CDH26: variants seen among roughly 807,000 people sequenced by gnomAD.
CDH26 encodes cadherin-like protein 26.
A neutral mutation model predicts 90.3 loss-of-function variants in CDH26; 83 were observed. The ratio of observed to expected loss-of-function variants is 0.92; its 90% confidence interval spans 0.77 to 1.10. CDH26 has a LOEUF of 1.10. CDH26 is among the 50% of genes least tolerant of loss of function. The pLI, the probability that CDH26 is intolerant of heterozygous loss-of-function variation, is 0.00. For missense variants in CDH26, 1,013 were observed against 1,037.6 expected, an observed-to-expected ratio of 0.98 and a Z score of 0.33; for synonymous variants, 397 against 396.3, an observed-to-expected ratio of 1.00 and a Z score of -0.02.
In CDH26 at chr20:59,992,430, G is replaced by A. The variant is rs374083203; in HGVS notation, c.1336G>A (p.Gly446Arg). Residue 446 changes from glycine to arginine, a missense_variant, in exon 10 of 18, where the codon GGA becomes AGA. Physicochemically the swap from Gly to Arg is moderately radical, Grantham distance 125. Transcript: ENST00000348616. The surrounding 1 kb of genome is among the most constrained non-coding windows in gnomAD (Gnocchi z 5.0). ...TTGGGTCAGCGTCGACAAAAACTCC[G>A]GAGTGGTCATCACCGTGGAGCCAAT... Reference protein sequence around the residue: ...ANWVSVDKNSGVVITVEPIDR... With the variant: ...ANWVSVDKNSRVVITVEPIDR... The A allele has an allele frequency of 1.3e-4, 206 of 1,613,872 alleles. No individual in the cohort carries two copies. Among genetic ancestry groups the A allele is most frequent in the Admixed American group, 1.7e-4 (10 of 59,982 alleles).
chr20:59,994,393 G>A lies in CDH26; in HGVS notation c.1570G>A (p.Asp524Asn). 1.2e-6 allele frequency: 2 copies of A among 1,614,080 alleles called. No individual in the cohort carries two copies. Among genetic ancestry groups the A allele is most frequent in the Non-Finnish European group, 1.7e-6 (2 of 1,179,958 alleles). Reference sequence around the variant, plus strand: ...TGAGCCCCTCCACATCGAGGCAGAGGATCCGGACCTGGAGCCGTTCTCTGA... The same window carrying A: ...TGAGCCCCTCCACATCGAGGCAGAGAATCCGGACCTGGAGCCGTTCTCTGA... ...VHEPLHIEAE[D>N]PDLEPFSDPF... Residue 524 changes from aspartate to asparagine, a missense_variant, in exon 11 of 18, where the codon GAT (aspartate) becomes AAT (asparagine). By Grantham distance (23) the Asp-to-Asn change is conservative (BLOSUM62 1). Transcript: ENST00000348616.
At position 59,992,458 on chromosome 20, in the gene CDH26, A is replaced by G; in HGVS notation, c.1364A>G (p.Asp455Gly). Reference protein sequence around the residue: ...SGVVITVEPIDRESPHVNNSF... With the variant: ...SGVVITVEPIGRESPHVNNSF... ...GTGGTCATCACCGTGGAGCCAATTG[A>G]CCGAGAATCCCCTCATGTAAATAAC... Residue 455 changes from aspartate to glycine, a missense_variant, in exon 10 of 18, where the codon GAC (aspartate) becomes GGC (glycine). Coordinates refer to ENST00000348616, the MANE Select transcript of CDH26 (RefSeq NM_177980.4). The surrounding 1 kb of genome is among the most constrained non-coding windows in gnomAD (Gnocchi z 5.0). The G allele has an allele frequency of 6.2e-7, 1 of 1,614,124 alleles. No homozygotes were observed. The highest frequency in any genetic ancestry group is 8.5e-7 in the Non-Finnish European group (1 of 1,180,026).
intron 13 of CDH26, 111 bp downstream of exon 13, chr20:59,996,872 C>T (rs1289510363): frequency 8.5e-6 from 12 of 1,408,132 alleles, no homozygotes; most frequent in Admixed American, 2.1e-5. Flanking sequence ...CACTCTTACC[C>T]GTGTTTCAGT....
chr20:60,007,883 G>C (rs1243323435), intron 17 of CDH26, among the ~76,000 whole-genome samples: 1 of 152,130 alleles, frequency 6.6e-6, no homozygotes, highest in East Asian at 1.9e-4. Flanking sequence ...TGCGCTGAAG[G>C]GGTCTATTAT....
intron 16 of CDH26, among the ~76,000 whole-genome samples, 172 bp from the exon 17 acceptor site, chr20:60,006,541 T>TCC (rs2146014894): frequency 6.6e-6 from 1 of 152,050 alleles, no homozygotes; most frequent in East Asian, 1.9e-4. Flanking sequence ...CCTCCCTCTC[T>TCC]CCCCCAACAC....
intron 7 of CDH26, among the ~76,000 whole-genome samples, chr20:60,021,659 C>T (rs2061952147): frequency 6.6e-6 from 1 of 151,892 alleles, no homozygotes. Flanking sequence ...TTGTGAATTC[C>T]TGCATTATGA....
chr20:59,988,773 C>A, intron 8 of CDH26, 131 bp from the exon 9 acceptor site: 1 of 941,126 alleles, frequency 1.1e-6, no homozygotes, highest in Non-Finnish European at 1.6e-6. Context: ...TGATCATTAT[C>A]AAAGACAACG....
chr20:60,007,193 A>C (rs2061766043), intron 17 of CDH26, among the ~76,000 whole-genome samples: 1 of 152,208 alleles, frequency 6.6e-6, no homozygotes, highest in Non-Finnish European at 1.5e-5. Context: ...CTCCGTCTTC[A>C]AATGCCATCA....
chr20:60,010,776 C>T (rs1280363939), intron 17 of CDH26, among the ~76,000 whole-genome samples: 2 of 152,108 alleles, frequency 1.3e-5, no homozygotes, highest in Admixed American at 6.5e-5. Context: ...CCATGGCAAC[C>T]CCAGAGCAGG....
intron 1 of CDH26, among the ~76,000 whole-genome samples, chr20:59,963,720 G>A (rs928798545): frequency 6.6e-6 from 1 of 152,024 alleles, no homozygotes; most frequent in African/African-American, 2.4e-5. Flanking sequence ...GACTGCCCTG[G>A]TCTAGAGCCC....
At chr20:60,033,977 T>C (rs2062064864) in exon 9 of CDH26, 1 of 205,098 alleles carries the variant, frequency 4.9e-6, no homozygotes, top group African/African-American at 2.3e-5. Flanking sequence ...TCATAGAACT[T>C]CCTTTAATGC....
intron 7 of CDH26, among the ~76,000 whole-genome samples, chr20:60,028,939 A>C (rs1450132259): frequency 6.6e-6 from 1 of 152,226 alleles, no homozygotes; most frequent in East Asian, 1.9e-4. Flanking sequence ...CTCAATGTCC[A>C]CAGATAAATG....
chr20:60,021,893 C>A (rs1401365671), intron 7 of CDH26, among the ~76,000 whole-genome samples: 1 of 87,428 alleles, frequency 1.1e-5, no homozygotes. Flanking sequence ...CACACACACA[C>A]ACACATATAT....
intron 17 of CDH26, 52 bp from the exon 18 acceptor site, chr20:60,012,475 T>C (rs894359871): frequency 5.2e-6 from 8 of 1,537,982 alleles, no homozygotes; most frequent in Admixed American, 3.7e-5. Flanking sequence ...AGAAATGAGC[T>C]GGGTATGGAA....
At chr20:59,981,404 T>A (rs1356855086) in intron 4 of CDH26, among the ~76,000 whole-genome samples, 1 of 152,192 alleles carries the variant, frequency 6.6e-6, no homozygotes, top group Non-Finnish European at 1.5e-5. Flanking sequence ...TTCTTTGATT[T>A]CTTTCATCAG....
At chr20:59,994,966 A>G (rs987707462) in intron 11 of CDH26, among the ~76,000 whole-genome samples, 1 of 152,180 alleles carries the variant, frequency 6.6e-6, no homozygotes, top group African/African-American at 2.4e-5. Flanking sequence ...CTAAGGAAAC[A>G]CTGGGGCACT....
chr20:60,003,957 C>T (rs183778), intron 16 of CDH26, among the ~76,000 whole-genome samples: 1 of 152,138 alleles, frequency 6.6e-6, no homozygotes, highest in Admixed American at 6.5e-5. Context: ...ACTGACACGG[C>T]GTCTTCCTCT....
chr20:60,023,619 G>T (rs1394768466), intron 7 of CDH26, among the ~76,000 whole-genome samples: 1 of 151,908 alleles, frequency 6.6e-6, no homozygotes. Context: ...TGTTCTACAA[G>T]AGAGAGCTGG....
intron 1 of CDH26, among the ~76,000 whole-genome samples, chr20:59,959,591 G>C (rs1224516740): frequency 6.7e-6 from 1 of 148,692 alleles, no homozygotes; most frequent in African/African-American, 2.5e-5. Flanking sequence ...TTAGAGACAG[G>C]GTTTCACCAT....
Sources: gnomAD v4.1 joint callset for allele counts (sites outside exome capture counted in the v4.1 genomes callset) on GRCh38, gnomAD v4.1.1 for gene constraint, Gnocchi (gnomAD v3.1) non-coding constraint, MANE v1.5 for transcripts, NCBI Gene and HGNC (gene_info 2026-07-23, HGNC 2026-07-21) for gene names.